TMOD2: variants seen among roughly 807,000 people sequenced by gnomAD.
TMOD2 encodes tropomodulin 2.
TMOD2 carries 22 observed loss-of-function variants against 39.9 expected under a neutral mutation model. The ratio of observed to expected loss-of-function variants is 0.55; its 90% CI spans 0.39 to 0.79. TMOD2 has a LOEUF of 0.79. Ranked by LOEUF, TMOD2 falls within the 30% of genes least tolerant of loss-of-function variation. The pLI is 0.00. For missense variants in TMOD2, 386 were observed against 413.3 expected (o/e 0.93, Z 0.57); for synonymous variants, 123 against 146.1 (o/e 0.84, Z 1.14).
intron 7 of TMOD2, chr15:51,784,521 G>A (rs995312665): frequency 6.6e-6 from 1 of 152,160 alleles, no homozygotes; most frequent in African/African-American, 2.4e-5. Context: ...ATATTTCTAT[G>A]GTGATCACAG....
chr15:51,791,694 T>G (rs1177833890), intron 7 of TMOD2, among the ~76,000 whole-genome samples: 1 of 152,088 alleles, frequency 6.6e-6, no homozygotes, highest in Non-Finnish European at 1.5e-5. Flanking sequence ...GCCTCAGAAA[T>G]AACACCACAC....
intron 8 of TMOD2, among the ~76,000 whole-genome samples, chr15:51,804,314 C>T (rs1036740145): frequency 2.6e-5 from 4 of 152,052 alleles, no homozygotes; most frequent in African/African-American, 9.7e-5. Context: ...AAAAGATATC[C>T]TTAATGTTAG....
At chr15:51,808,272 CATTG>C (rs1159585880) in intron 9 of TMOD2, 144 bp from the exon 10 acceptor site, 8 of 558,356 alleles carry the variant, frequency 1.4e-5, no homozygotes, top group Non-Finnish European at 2.2e-5. Flanking sequence ...TTATCATTTC[CATTG>C]ATTGTCATGG....
intron 3 of TMOD2, among the ~76,000 whole-genome samples, chr15:51,772,775 G>A (rs2055861738): frequency 6.6e-6 from 1 of 152,094 alleles, no homozygotes; most frequent in Non-Finnish European, 1.5e-5. Context: ...CCCAGATATG[G>A]CATGCTAGTT....
chr15:51,811,992 A>C lies in TMOD2; in HGVS notation c.*3538A>C, dbSNP rs996156246. 1.3e-5 allele frequency: 2 copies of C among 152,182 alleles called. No homozygotes were observed. Among genetic ancestry groups the C allele is most frequent in the Non-Finnish European group, 2.9e-5 (2 of 68,042 alleles). The allele number at this position is 152,182 out of a possible 1,614,324, so 9.4% of individuals were successfully genotyped here. A position where few individuals can be genotyped will look rare whatever the true frequency, so the allele number is the denominator to read the frequency against. The stretch of plus-strand genomic sequence containing the variant: ...CAACATGATGAAGCCCCTTTCTTCC[A>C]TCTTTGTAGGGCACATTGTATATAA... On this transcript the variant is annotated 3_prime_UTR_variant, in exon 10 of 10. Transcript: ENST00000249700.
At chr15:51,801,108 A>G (rs766678801) in intron 8 of TMOD2, among the ~76,000 whole-genome samples, 11 of 152,082 alleles carry the variant, frequency 7.2e-5, no homozygotes, top group Non-Finnish European at 1.3e-4. Context: ...CAAGAATGAG[A>G]CAGGAGGATC....
intron 7 of TMOD2, among the ~76,000 whole-genome samples, chr15:51,793,830 T>A (rs1376431943): frequency 6.6e-6 from 1 of 152,252 alleles, no homozygotes; most frequent in Non-Finnish European, 1.5e-5. Flanking sequence ...GTTATTCTAA[T>A]AATGATAGTA....
At chr15:51,789,705 TC>T (rs1182379262) in intron 7 of TMOD2, among the ~76,000 whole-genome samples, 2 of 152,192 alleles carry the variant, frequency 1.3e-5, no homozygotes, top group Admixed American at 6.5e-5. Context: ...GATTAAGAAC[TC>T]ACTCAAAACT....
intron 1 of TMOD2, among the ~76,000 whole-genome samples, chr15:51,753,140 G>A (rs2055718805): frequency 6.6e-6 from 1 of 152,130 alleles, no homozygotes; most frequent in Admixed American, 6.5e-5. Flanking sequence ...AAAGAAATAT[G>A]CAATAGAAGG....
At chr15:51,773,317 T>A (rs900314463) in intron 3 of TMOD2, among the ~76,000 whole-genome samples, 4 of 152,204 alleles carry the variant, frequency 2.6e-5, no homozygotes. Context: ...CCCTTTGGCC[T>A]CATGGTTCCT....
chr15:51,801,430 G>T (rs1394570992), intron 8 of TMOD2, among the ~76,000 whole-genome samples: 2 of 152,182 alleles, frequency 1.3e-5, no homozygotes, highest in Non-Finnish European at 2.9e-5. Flanking sequence ...CTCATAGACT[G>T]TTAGAAGTAA....
intron 3 of TMOD2, among the ~76,000 whole-genome samples, chr15:51,769,761 G>A (rs564707132): frequency 3.3e-5 from 5 of 152,256 alleles, no homozygotes; most frequent in East Asian, 3.9e-4. Context: ...TCGGCTGGGC[G>A]CAGTGGCTCA....
At position 51,808,401 on chromosome 15, in the gene TMOD2, TC is replaced by T. The variant is rs1437385552; in HGVS notation, c.1022-17del. The T allele has an allele frequency of 3.7e-6, 6 of 1,607,984 alleles. No homozygotes were observed. The highest frequency in any genetic ancestry group is 1.3e-5 in the African/African-American group (1 of 74,848). On this transcript the variant is annotated intron_variant, in intron 9 of 9. Coordinates refer to ENST00000249700, the MANE Select transcript of TMOD2 (RefSeq NM_014548.4). ...ATATCCCTTCAATTTGTCTTTTTGT[TC>T]CTTTCTTTCTTACCTAGTTCGTAAG...
chr15:51,757,729 C>T (rs2055752322), intron 1 of TMOD2, among the ~76,000 whole-genome samples: 1 of 152,178 alleles, frequency 6.6e-6, no homozygotes, highest in Admixed American at 6.5e-5. Flanking sequence ...GGACGGAAGA[C>T]AAATGGGAGC....
chr15:51,801,237 TCACACACACACACACA>T (rs546562505), intron 8 of TMOD2, among the ~76,000 whole-genome samples: 217 of 102,136 alleles, frequency 2.1e-3, no homozygotes, highest in African/African-American at 8.2e-3. Flanking sequence ...TCTCTCTCTC[TCACACACACACACACA>T]CACACACACA....
chr15:51,809,103 C>T lies in TMOD2; in HGVS notation c.*649C>T, dbSNP rs1374971179. ...TCTATTTATTAACCCACAAATGTAG[C>T]ATCAAGCCAGACTCACAGGTAGCAA... is the stretch of plus-strand genomic sequence containing the variant. On this transcript the variant is annotated 3_prime_UTR_variant, in exon 10 of 10. Transcript: ENST00000249700. 6.6e-6 allele frequency: 1 copy of T among 152,602 alleles called. No individual in the cohort carries two copies. The highest frequency in any genetic ancestry group is 1.5e-5 in the Non-Finnish European group (1 of 68,038). The allele number at this position is 152,602 out of a possible 1,614,324, so 9.5% of individuals were successfully genotyped here.
intron 1 of TMOD2, among the ~76,000 whole-genome samples, chr15:51,753,268 A>G (rs946584979): frequency 6.6e-6 from 1 of 152,190 alleles, no homozygotes; most frequent in Non-Finnish European, 1.5e-5. Flanking sequence ...TAGGATTTTC[A>G]TATTATTTCA....
intron 1 of TMOD2, among the ~76,000 whole-genome samples, chr15:51,759,287 T>C (rs2055763248): frequency 6.6e-6 from 1 of 152,104 alleles, no homozygotes; most frequent in Non-Finnish European, 1.5e-5. Flanking sequence ...TCTGACATAT[T>C]TGAGGTGTCT....
chr15:51,776,843 A>G, intron 4 of TMOD2, 89 bp from the exon 5 acceptor site: 1 of 1,059,710 alleles, frequency 9.4e-7, no homozygotes, highest in Non-Finnish European at 1.5e-6. Flanking sequence ...TTTATGATGT[A>G]AAGAATTGTT....
Sources: allele counts gnomAD v4.1 joint callset (sites outside exome capture counted in the v4.1 genomes callset), GRCh38; gene constraint gnomAD v4.1.1; transcripts MANE v1.5; gene names NCBI Gene and HGNC (gene_info 2026-07-23, HGNC 2026-07-21).